The following PRDM5 variants were observed in gnomAD, a reference collection of about 807,000 sequenced individuals.
The protein encoded by PRDM5 is PR domain zinc finger protein 5.
PRDM5 carries 56 observed loss-of-function variants against 81.2 expected under a neutral mutation model. The observed-to-expected ratio is 0.69, with a 90% CI of 0.56 to 0.86. The LOEUF is 0.86. Ranked by LOEUF, PRDM5 falls within the 40% of genes least tolerant of loss-of-function variation. PRDM5 has a pLI of 0.00. For missense variants in PRDM5, 697 were observed against 770.1 expected (o/e 0.91, Z 1.12); for synonymous variants, 267 against 256.4 (o/e 1.04, Z -0.39).
At chr4:120,920,219 A>G (rs1724718293) in intron 1 of PRDM5, among the ~76,000 whole-genome samples, 1 of 152,238 alleles carries the variant, frequency 6.6e-6, no homozygotes, top group African/African-American at 2.4e-5. Context: ...TCTGAATTTG[A>G]AATCAACAGA....
At chr4:120,839,353 A>C in intron 3 of PRDM5, 1 of 695,136 alleles carries the variant, frequency 1.4e-6, no homozygotes, top group Non-Finnish European at 2.6e-6. Flanking sequence ...GCAACAGAAC[A>C]GCTCAGAGGA....
At chr4:120,847,437 C>A (rs920704948) in intron 3 of PRDM5, among the ~76,000 whole-genome samples, 1 of 152,110 alleles carries the variant, frequency 6.6e-6, no homozygotes, top group Non-Finnish European at 1.5e-5. Flanking sequence ...TGGTGAAGAA[C>A]TGAAGCCTCC....
intron 13 of PRDM5, among the ~76,000 whole-genome samples, chr4:120,772,046 G>C (rs1401149527): frequency 6.6e-6 from 1 of 152,098 alleles, no homozygotes; most frequent in Non-Finnish European, 1.5e-5. Context: ...TAGTGGCAGG[G>C]GGCTAGGGTT....
downstream of PRDM5, among the ~76,000 whole-genome samples, chr4:120,689,936 T>A (rs1420210825): frequency 6.6e-6 from 1 of 152,106 alleles, no homozygotes; most frequent in Non-Finnish European, 1.5e-5. Flanking sequence ...AATTACTACA[T>A]GTAGTAATCC....
Position 120,853,433 on chromosome 4 carries a change from G to C in PRDM5, c.285C>G (p.Asn95Lys). 6.2e-7 allele frequency: 1 copy of C among 1,613,752 alleles called. No homozygotes were observed. The highest frequency in any genetic ancestry group is 8.5e-7 in the Non-Finnish European group (1 of 1,179,724). ...VHEAPSQEQKNLAAIQEGENI... is the reference protein window; with the variant it reads ...VHEAPSQEQKKLAAIQEGENI... ...ATAAGCTCACTTGAATGGCAGCCAA[G>C]TTCTTCTGCTCCTGAGATGGTGCCT... is the stretch of plus-strand genomic sequence containing the variant. Residue 95 changes from asparagine (N) to lysine (K), a missense_variant, in exon 3 of 16, where the codon AAC becomes AAG. Asn to Lys is a moderately conservative substitution (Grantham distance 94, BLOSUM62 0). Coordinates refer to ENST00000264808, the MANE Select transcript of PRDM5 (RefSeq NM_018699.4).
intron 9 of PRDM5, 81 bp downstream of exon 9, chr4:120,799,580 C>A (rs1578780316): frequency 6.5e-7 from 1 of 1,546,076 alleles, no homozygotes; most frequent in Non-Finnish European, 8.7e-7. Context: ...CCCCTGATTA[C>A]CACTCTTAGA....
chr4:120,827,041 T>C (rs746666488), intron 3 of PRDM5, among the ~76,000 whole-genome samples: 4 of 152,134 alleles, frequency 2.6e-5, no homozygotes, highest in African/African-American at 7.2e-5. Context: ...GTCAATTCAG[T>C]CAACAAATCT....
At chr4:120,767,798 C>A (rs1047368594) in intron 13 of PRDM5, among the ~76,000 whole-genome samples, 4 of 152,022 alleles carry the variant, frequency 2.6e-5, no homozygotes, top group Non-Finnish European at 5.9e-5. Flanking sequence ...TGGGAGGGAC[C>A]CGGTGGGAAA....
intron 1 of PRDM5, among the ~76,000 whole-genome samples, chr4:120,921,644 A>C (rs1287928164): frequency 1.3e-5 from 2 of 152,192 alleles, no homozygotes; most frequent in Non-Finnish European, 2.9e-5. Flanking sequence ...ATATCTACTA[A>C]GAAAAGGGGG....
chr4:120,817,472 C>T (rs541207175), intron 5 of PRDM5, among the ~76,000 whole-genome samples: 21 of 151,954 alleles, frequency 1.4e-4, no homozygotes, highest in African/African-American at 4.8e-4. Flanking sequence ...AAATGAGAAG[C>T]TAAGGTTGGA....
Position 120,816,446 on chromosome 4 carries a change from T to C in PRDM5, c.865+7A>G, listed in dbSNP as rs1754509814. The C allele has an allele frequency of 2.5e-6, 4 of 1,614,160 alleles. No individual in the cohort carries two copies. The highest frequency in any genetic ancestry group is 1.3e-5 in the African/African-American group (1 of 75,034). On this transcript the variant is annotated splice_region_variant and intron_variant, in intron 7 of 15. Coordinates refer to ENST00000264808, the MANE Select transcript of PRDM5 (RefSeq NM_018699.4). ...CCTTCGGAAACGACCCTCCAACGAC[T>C]CCTCACCAGTGTGGACATTTTCCTG...
At chr4:120,780,223 T>C (rs991249990) in intron 12 of PRDM5, among the ~76,000 whole-genome samples, 3 of 151,322 alleles carry the variant, frequency 2.0e-5, no homozygotes, top group Admixed American at 6.6e-5. Context: ...CAGAGGAGGA[T>C]AGCTTGAGCC....
intron 1 of PRDM5, among the ~76,000 whole-genome samples, chr4:120,921,975 G>T (rs937323313): frequency 6.6e-6 from 1 of 152,236 alleles, no homozygotes; most frequent in Non-Finnish European, 1.5e-5. Flanking sequence ...GAAATCCTGG[G>T]CGTATGAATG....
intron 15 of PRDM5, among the ~76,000 whole-genome samples, chr4:120,697,759 T>C (rs1205522792): frequency 1.4e-5 from 2 of 147,864 alleles, no homozygotes; most frequent in African/African-American, 5.0e-5. Context: ...GCTCAAGGGA[T>C]CCTTCTGCCT....
intron 10 of PRDM5, among the ~76,000 whole-genome samples, chr4:120,794,344 A>T (rs1395046600): frequency 6.6e-6 from 1 of 151,896 alleles, no homozygotes; most frequent in Non-Finnish European, 1.5e-5. Context: ...TTTTTTTACT[A>T]TGTTAAACTT....
Position 120,818,363 on chromosome 4 carries a change from A to C in PRDM5, c.640T>G (p.Leu214Val), listed in dbSNP as rs2149341598. 2 of 1,613,920 alleles carry C rather than the reference A, an allele frequency of 1.2e-6. No individual in the cohort carries two copies. Among genetic ancestry groups the C allele is most frequent in the South Asian group, 2.2e-5 (2 of 91,078 alleles). ...CGKKFPVKQA[L>V]QRHVLQCTAK... ...CTTTAATATACGCACTGTCTTTGCAAAGCCTGCTTAACTGGGAATTTCTTC... is the reference window on the plus strand; with the variant it reads ...CTTTAATATACGCACTGTCTTTGCACAGCCTGCTTAACTGGGAATTTCTTC... Residue 214 changes from leucine (L) to valine (V), a missense_variant, in exon 5 of 16, where the codon TTG becomes GTG. This residue lies in a region of PRDM5 where 577 missense variants were observed against 606.7 expected (regional missense o/e 0.95). Coordinates refer to ENST00000264808, the MANE Select transcript of PRDM5 (RefSeq NM_018699.4).
intron 13 of PRDM5, among the ~76,000 whole-genome samples, chr4:120,770,838 G>A (rs546068410): frequency 2.0e-5 from 3 of 151,888 alleles, no homozygotes; most frequent in African/African-American, 7.2e-5. Flanking sequence ...CTAAATATTT[G>A]TATTATTCAA....
intron 11 of PRDM5, among the ~76,000 whole-genome samples, chr4:120,781,751 G>C (rs1749068924): frequency 6.6e-6 from 1 of 152,144 alleles, no homozygotes; most frequent in East Asian, 1.9e-4. Context: ...TGGATTGTAG[G>C]TAGAGAGCTG....
At chr4:120,772,047 G>A (rs1460663831) in intron 13 of PRDM5, among the ~76,000 whole-genome samples, 1 of 152,130 alleles carries the variant, frequency 6.6e-6, no homozygotes, top group African/African-American at 2.4e-5. Flanking sequence ...AGTGGCAGGG[G>A]GCTAGGGTTT....
Sources: gnomAD v4.1 joint callset for allele counts (sites outside exome capture counted in the v4.1 genomes callset) on GRCh38, gnomAD v4.1.1 for gene constraint, gnomAD v4.1.1 regional missense constraint, MANE v1.5 for transcripts, NCBI Gene and HGNC (gene_info 2026-07-23, HGNC 2026-07-21) for gene names.